Variants in CTNND2 observed in about 807,000 individuals in gnomAD.
CTNND2 encodes the protein catenin delta-2.
CTNND2 carries 22 observed loss-of-function variants against 144.4 expected under a neutral mutation model. That is an observed-to-expected ratio of 0.15 (90% confidence interval 0.11 to 0.22). The LOEUF is 0.22. Among genes scored for constraint, CTNND2 ranks in the 10% least tolerant of loss-of-function variants. The probability of loss-of-function intolerance (pLI) is 1.00; values close to 1 mark genes in which losing one functional copy is unlikely to be tolerated. For missense variants in CTNND2, 1,353 were observed against 1,618.8 expected (o/e 0.84, Z 2.82); for synonymous variants, 751 against 695.6 (o/e 1.08, Z -1.25).
intron 5 of CTNND2, among the ~76,000 whole-genome samples, chr5:11,403,989 C>T (rs982830924): frequency 3.3e-5 from 5 of 152,114 alleles, no homozygotes; most frequent in Admixed American, 2.6e-4. Context: ...GTTCTCAAAA[C>T]TCTTGGTCTC....
chr5:11,405,741 C>G (rs1427483769), intron 5 of CTNND2, among the ~76,000 whole-genome samples: 4 of 152,114 alleles, frequency 2.6e-5, no homozygotes, highest in Admixed American at 2.0e-4. Context: ...TTTGCTACTG[C>G]TAACCTCCCA....
intron 2 of CTNND2, among the ~76,000 whole-genome samples, chr5:11,615,959 A>T (rs1013628196): frequency 6.6e-6 from 1 of 152,194 alleles, no homozygotes; most frequent in Non-Finnish European, 1.5e-5. Context: ...ATGGTCCTCT[A>T]TCTCCATGAT....
At chr5:11,516,896 T>C (rs1772212408) in intron 3 of CTNND2, among the ~76,000 whole-genome samples, 1 of 152,188 alleles carries the variant, frequency 6.6e-6, no homozygotes, top group South Asian at 2.1e-4. Flanking sequence ...AGACTAAATT[T>C]TGAGAACTCA....
intron 9 of CTNND2, among the ~76,000 whole-genome samples, chr5:11,324,442 C>T (rs4702798): frequency 0.57 from 87,353 of 152,000 alleles, 26,472 homozygotes; most frequent in East Asian, 0.78. Flanking sequence ...TTTTAGTAAG[C>T]CATCATATAC....
chr5:11,331,697 G>A (rs1379761125), intron 9 of CTNND2, among the ~76,000 whole-genome samples: 1 of 152,082 alleles, frequency 6.6e-6, no homozygotes, highest in Non-Finnish European at 1.5e-5. Flanking sequence ...ACCCCAAGGC[G>A]AGATTTCCCA....
intron 2 of CTNND2, among the ~76,000 whole-genome samples, chr5:11,680,826 G>A (rs2126627249): frequency 6.6e-6 from 1 of 152,270 alleles, no homozygotes; most frequent in East Asian, 1.9e-4. Context: ...CCAGCCATGG[G>A]AGCAAGGAAA....
intron 1 of CTNND2, among the ~76,000 whole-genome samples, chr5:11,745,177 A>G (rs1281519222): frequency 6.6e-6 from 1 of 152,074 alleles, no homozygotes; most frequent in African/African-American, 2.4e-5. Context: ...ATGGATTTGC[A>G]TTTTCTTGGA....
intron 3 of CTNND2, among the ~76,000 whole-genome samples, chr5:11,536,735 G>T (rs1208400535): frequency 6.6e-6 from 1 of 151,980 alleles, no homozygotes. Flanking sequence ...GAAAGGGTGG[G>T]AGGGGGGTGA....
intron 1 of CTNND2, among the ~76,000 whole-genome samples, chr5:11,855,041 A>G (rs1049541804): frequency 6.6e-6 from 1 of 152,226 alleles, no homozygotes; most frequent in Non-Finnish European, 1.5e-5. Context: ...CTCACAGACC[A>G]AAATAAATCT....
At chr5:11,421,588 G>A (rs141319288) in intron 3 of CTNND2, among the ~76,000 whole-genome samples, 144 of 152,224 alleles carry the variant, frequency 9.5e-4, no homozygotes, top group African/African-American at 3.3e-3. Flanking sequence ...CTGGGGGAGG[G>A]CCAAAATGGG....
chr5:11,150,126 AC>A (rs1402739816), intron 12 of CTNND2, among the ~76,000 whole-genome samples: 1 of 152,044 alleles, frequency 6.6e-6, no homozygotes. Flanking sequence ...CCCCAAAGGC[AC>A]CTCTGCTTCC....
chr5:11,766,413 T>C (rs1789591149), intron 1 of CTNND2, among the ~76,000 whole-genome samples: 1 of 152,154 alleles, frequency 6.6e-6, no homozygotes, highest in Non-Finnish European at 1.5e-5. Context: ...GTCTTTCCCG[T>C]GCTGTTCTCT....
At chr5:11,735,659 T>G (rs1787641801) in intron 1 of CTNND2, among the ~76,000 whole-genome samples, 1 of 152,126 alleles carries the variant, frequency 6.6e-6, no homozygotes, top group Non-Finnish European at 1.5e-5. Context: ...GCTGTTCTCA[T>G]GATAGTGAAT....
At chr5:11,453,571 G>A (rs1365514890) in intron 3 of CTNND2, among the ~76,000 whole-genome samples, 1 of 152,116 alleles carries the variant, frequency 6.6e-6, no homozygotes, top group Non-Finnish European at 1.5e-5. Context: ...CTATCAGAAA[G>A]CCCAGAATCA....
chr5:11,652,024 T>C (rs962220910), intron 2 of CTNND2, among the ~76,000 whole-genome samples: 5 of 152,134 alleles, frequency 3.3e-5, no homozygotes, highest in Non-Finnish European at 7.3e-5. Context: ...TATTTTGCAA[T>C]GTGAGAAGGA....
chr5:11,284,761 T>C (rs2150003642), intron 9 of CTNND2, among the ~76,000 whole-genome samples: 1 of 152,370 alleles, frequency 6.6e-6, no homozygotes, highest in South Asian at 2.1e-4. Context: ...TGATTTATAT[T>C]CTTTTGGGTA....
At chr5:11,710,216 C>T (rs1785946225) in intron 2 of CTNND2, among the ~76,000 whole-genome samples, 1 of 152,130 alleles carries the variant, frequency 6.6e-6, no homozygotes, top group Non-Finnish European at 1.5e-5. Flanking sequence ...TTCCCTTTGT[C>T]TCCATCTCCT....
chr5:11,462,968 G>A (rs1378422073), intron 3 of CTNND2, among the ~76,000 whole-genome samples: 1 of 152,108 alleles, frequency 6.6e-6, no homozygotes, highest in Non-Finnish European at 1.5e-5. Flanking sequence ...CATATCAAAT[G>A]TGGACCATCC....
intron 3 of CTNND2, among the ~76,000 whole-genome samples, chr5:11,518,778 A>G (rs754176465): frequency 2.6e-5 from 4 of 152,214 alleles, no homozygotes; most frequent in Non-Finnish European, 5.9e-5. Context: ...GCAATAGACT[A>G]TACCATATAA....
Sources: gnomAD v4.1 joint callset for allele counts (sites outside exome capture counted in the v4.1 genomes callset) on GRCh38, gnomAD v4.1.1 for gene constraint, MANE v1.5 for transcripts, NCBI Gene and HGNC (gene_info 2026-07-23, HGNC 2026-07-21) for gene names.